The following CECR2 variants were observed in gnomAD, a reference collection of about 807,000 sequenced individuals.
CECR2 encodes CECR2 histone acetyl-lysine reader, also known as chromatin remodeling regulator CECR2.
A neutral mutation model predicts 154.5 loss-of-function variants in CECR2; 30 were observed. That is an observed-to-expected ratio of 0.19 (90% CI 0.15 to 0.26). The LOEUF (loss-of-function observed/expected upper bound fraction) is 0.26. Among genes scored for constraint, CECR2 ranks in the 10% least tolerant of loss-of-function variants. CECR2 has a pLI of 1.00. For missense variants in CECR2, 1,743 were observed against 1,829.3 expected (o/e 0.95, Z 0.86); for synonymous variants, 725 against 683.7 (o/e 1.06, Z -0.94).
intron 1 of CECR2, among the ~76,000 whole-genome samples, chr22:17,393,307 T>TA (rs1239537389): frequency 6.6e-6 from 1 of 152,238 alleles, no homozygotes; most frequent in Non-Finnish European, 1.5e-5. Context: ...TCATTTAGCA[T>TA]AATGTTTTTA....
chr22:17,420,569 AT>A, intron 1 of CECR2, among the ~76,000 whole-genome samples: 1 of 152,162 alleles, frequency 6.6e-6, no homozygotes, highest in Non-Finnish European at 1.5e-5. Context: ...TGTGTTATTT[AT>A]TGAGCATAGC....
In CECR2 at chr22:17,383,489, A is replaced by G. The variant is rs562816926; in HGVS notation, c.126+13580A>G. On this transcript the variant is annotated intron_variant, in intron 1 of 18. Coordinates refer to ENST00000262608, the MANE Select transcript of CECR2 (RefSeq NM_001290047.2). Reference sequence around the variant, plus strand: ...GAACAATGTTGACAGCATCTTCACCAGGAATAATACATTGTGCCTCAACAA... The same window carrying G: ...GAACAATGTTGACAGCATCTTCACCGGGAATAATACATTGTGCCTCAACAA... 1.1e-4 allele frequency among the ~76,000 whole-genome samples: 17 copies of G among 152,264 alleles called. No individual in the cohort carries two copies. The East Asian group carries it at 3.1e-3, about 28-fold the overall frequency.
chr22:17,537,221 G>A lies in CECR2; in HGVS notation c.1227G>A (p.Lys409=). ...DPNSPMREEK[K]TKDLFELDDD... ...ATTCCCCCATGAGAGAGGAAAAAAA[G>A]ACTAAAGACCTGTGAGTATTTAGTA... is the stretch of plus-strand genomic sequence containing the variant. Residue 409 remains lysine (K), a synonymous_variant, in exon 10 of 19, where the codon AAG becomes AAA. Coordinates refer to ENST00000262608, the MANE Select transcript of CECR2 (RefSeq NM_001290047.2). 6.2e-7 allele frequency: 1 copy of A among 1,613,942 alleles called. No individual in the cohort carries two copies. The highest frequency in any genetic ancestry group is 8.5e-7 in the Non-Finnish European group (1 of 1,179,870).
intron 1 of CECR2, among the ~76,000 whole-genome samples, chr22:17,473,548 A>G (rs1601416594): frequency 6.6e-6 from 1 of 151,442 alleles, no homozygotes; most frequent in East Asian, 1.9e-4. Flanking sequence ...TCTATCGTTT[A>G]GAAACCTCCG....
At chr22:17,505,790 GC>G in intron 7 of CECR2, among the ~76,000 whole-genome samples, 1 of 144,456 alleles carries the variant, frequency 6.9e-6, no homozygotes, top group East Asian at 2.1e-4. Context: ...TACCGCCTCA[GC>G]CTCCCAAAGT....
intron 1 of CECR2, among the ~76,000 whole-genome samples, chr22:17,397,074 A>G (rs1224091479): frequency 1.3e-5 from 2 of 151,930 alleles, no homozygotes; most frequent in Non-Finnish European, 2.9e-5. Context: ...CATACAATGC[A>G]TGGGACATTC....
At chr22:17,370,323 G>GT (rs1483857320) in intron 1 of CECR2, among the ~76,000 whole-genome samples, 3 of 150,186 alleles carry the variant, frequency 2.0e-5, no homozygotes, top group African/African-American at 7.3e-5. Flanking sequence ...CGGGCGCGGG[G>GT]GGGGGGCCCG....
At chr22:17,528,666 G>A (rs1250042598) in intron 9 of CECR2, among the ~76,000 whole-genome samples, 1 of 152,070 alleles carries the variant, frequency 6.6e-6, no homozygotes, top group Non-Finnish European at 1.5e-5. Context: ...CTCCCAAGTA[G>A]CTGTGATTAC....
intron 1 of CECR2, among the ~76,000 whole-genome samples, chr22:17,420,340 T>C (rs1230518230): frequency 6.6e-6 from 1 of 152,224 alleles, no homozygotes; most frequent in Admixed American, 6.5e-5. Context: ...CAGACCCTTG[T>C]CATTTCTCTC....
intron 1 of CECR2, among the ~76,000 whole-genome samples, chr22:17,426,716 C>T (rs944817521): frequency 3.9e-5 from 6 of 152,088 alleles, no homozygotes; most frequent in African/African-American, 1.4e-4. Context: ...TTTGGAGAAA[C>T]CAGGTTTCTC....
At position 17,548,711 on chromosome 22, in the gene CECR2, G is replaced by T. The variant is rs920711557; in HGVS notation, c.3424G>T (p.Val1142Leu). 3.7e-6 allele frequency: 6 copies of T among 1,613,586 alleles called. No individual in the cohort carries two copies. The African/African-American group carries it at 8.0e-5, about 22-fold the overall frequency. ...CCACATCAGTCCAGGCCTGCAGGGT[G>T]TGGGCCCTGTGATGGGAGGGAAGTC... Reference protein sequence around the residue: ...HYHISPGLQGVGPVMGGKSPA... With the variant: ...HYHISPGLQGLGPVMGGKSPA... Residue 1142 changes from valine to leucine, a missense_variant, in exon 17 of 19, where the codon GTG becomes TTG. By Grantham distance (32) the Val-to-Leu change is conservative. Around this residue, in one of 4 missense-constraint regions of CECR2, gnomAD observed 1,250 missense variants for 1,192.1 expected, o/e 1.05. Coordinates refer to ENST00000262608, the MANE Select transcript of CECR2 (RefSeq NM_001290047.2).
intron 1 of CECR2, among the ~76,000 whole-genome samples, chr22:17,372,596 A>G (rs1175294413): frequency 1.3e-5 from 2 of 152,142 alleles, no homozygotes; most frequent in Non-Finnish European, 2.9e-5. Flanking sequence ...TGAACCCGGT[A>G]GGCGGAGGTG....
intron 1 of CECR2, among the ~76,000 whole-genome samples, chr22:17,411,441 C>G (rs1379076488): frequency 6.6e-6 from 1 of 152,194 alleles, no homozygotes; most frequent in East Asian, 1.9e-4. Flanking sequence ...ATCTGGGCCT[C>G]CCTTGAGTGC....
chr22:17,444,552 G>A (rs193026856), intron 1 of CECR2, among the ~76,000 whole-genome samples: 1 of 152,132 alleles, frequency 6.6e-6, no homozygotes, highest in East Asian at 1.9e-4. Flanking sequence ...GCTTGAACCC[G>A]GGAGGAGGTT....
chr22:17,540,779 G>C lies in CECR2; in HGVS notation c.1863G>C (p.Gln621His). 2 of 1,582,744 alleles carry C rather than the reference G, an allele frequency of 1.3e-6. No individual in the cohort carries two copies. The highest frequency in any genetic ancestry group is 2.3e-5 in the South Asian group (2 of 85,854). ...TGCATTGTGGTGGGACACCCAGCCA[G>C]GCACCCTTTTTAAACCAGATGGTAA... ...HPLHCGGTPS[Q>H]APFLNQMRPA... The change falls in exon 14 of 19, where the codon CAG (glutamine) becomes CAC (histidine). Residue 621 changes from glutamine (Q) to histidine (H), a missense_variant. Physicochemically the swap from Gln to His is conservative, Grantham distance 24. Around this residue, in one of 4 missense-constraint regions of CECR2, gnomAD observed 1,250 missense variants for 1,192.1 expected, o/e 1.05. Coordinates refer to ENST00000262608, the MANE Select transcript of CECR2 (RefSeq NM_001290047.2).
upstream of CECR2, among the ~76,000 whole-genome samples, chr22:17,368,860 T>G (rs1410931945): frequency 6.6e-6 from 1 of 151,894 alleles, no homozygotes; most frequent in East Asian, 1.9e-4. Flanking sequence ...CTCTCCAGCC[T>G]CCATCCTACT....
At chr22:17,367,305 T>A (rs2063007304), upstream of CECR2, among the ~76,000 whole-genome samples, 1 of 152,058 alleles carries the variant, frequency 6.6e-6, no homozygotes, top group Non-Finnish European at 1.5e-5. Context: ...GGCTGGCTAG[T>A]GGTGACAACT....
chr22:17,424,962 G>A (rs1000794519), intron 1 of CECR2, among the ~76,000 whole-genome samples: 12 of 152,180 alleles, frequency 7.9e-5, no homozygotes, highest in Non-Finnish European at 1.6e-4. Flanking sequence ...CGAAGACAAG[G>A]CGGAGTCCTT....
At chr22:17,441,272 G>A (rs937399514) in intron 1 of CECR2, among the ~76,000 whole-genome samples, 4 of 152,066 alleles carry the variant, frequency 2.6e-5, no homozygotes, top group African/African-American at 9.7e-5. Context: ...AAAATGATGC[G>A]TGTTGAGGGA....
Sources: gnomAD v4.1 joint callset for allele counts (sites outside exome capture counted in the v4.1 genomes callset) on GRCh38, gnomAD v4.1.1 for gene constraint, gnomAD v4.1.1 regional missense constraint, MANE v1.5 for transcripts, NCBI Gene and HGNC (gene_info 2026-07-23, HGNC 2026-07-21) for gene names.